Variants in CEP250 observed in about 807,000 individuals in gnomAD.
CEP250 encodes centrosomal protein 250, also known as centrosome-associated protein CEP250.
A neutral mutation model predicts 315.7 loss-of-function variants in CEP250; 242 were observed. That is an observed-to-expected ratio of 0.77 (90% CI 0.69 to 0.85). The LOEUF (loss-of-function observed/expected upper bound fraction) is 0.85. Among genes scored for constraint, CEP250 ranks in the 40% least tolerant of loss-of-function variants. CEP250 has a pLI of 0.00. For synonymous variants in CEP250, 1,088 were observed against 1,175.0 expected (o/e 0.93, Z 1.51); for missense variants, 2,515 against 2,886.4 (o/e 0.87, Z 2.95).
chr20:35,492,873 G>A (rs148863576), intron 22 of CEP250, among the ~76,000 whole-genome samples: 58 of 152,166 alleles, frequency 3.8e-4, no homozygotes, highest in African/African-American at 1.3e-3. Context: ...GATTACAGGT[G>A]CCCGCCACCA....
chr20:35,470,586 C>T (rs1474920546), intron 10 of CEP250, among the ~76,000 whole-genome samples: 1 of 151,982 alleles, frequency 6.6e-6, no homozygotes, highest in Non-Finnish European at 1.5e-5. Context: ...CCCGTCTCTA[C>T]TAAAAAAATA....
rs2064242815 is a variant in CEP250, at chr20:35,508,052, T to C, written c.6768T>C (p.Ala2256=). 6.2e-7 allele frequency: 1 copy of C among 1,614,192 alleles called. No homozygotes were observed. The highest frequency in any genetic ancestry group is 8.5e-7 in the Non-Finnish European group (1 of 1,180,026). Residue 2256 remains alanine (A), a synonymous_variant, in exon 32 of 35, where the codon GCT becomes GCC. Transcript: ENST00000397527. ...TCCCACAGGTCTCAGGAGTGGAGGC[T>C]GAGCCTAGTCCTGATGGAATGGAGA... The part of the protein sequence containing the change: ...VQLGEVSGVE[A]EPSPDGMEKQ...
chr20:35,498,378 A>T (rs1373352959), intron 26 of CEP250, among the ~76,000 whole-genome samples: 1 of 152,208 alleles, frequency 6.6e-6, no homozygotes, highest in Non-Finnish European at 1.5e-5. Flanking sequence ...CCTGGCACTT[A>T]TTAAGTGCGT....
chr20:35,465,877 G>T (rs1351271435), intron 6 of CEP250, 52 bp downstream of exon 6: 1 of 1,553,716 alleles, frequency 6.4e-7, no homozygotes, highest in Non-Finnish European at 8.7e-7. Flanking sequence ...TGGTGGAGAA[G>T]GCTGATGGGA....
intron 22 of CEP250, among the ~76,000 whole-genome samples, chr20:35,492,061 G>C (rs2063713885): frequency 6.6e-6 from 1 of 152,160 alleles, no homozygotes; most frequent in Non-Finnish European, 1.5e-5. Flanking sequence ...AAAGGAAATA[G>C]AATGATACAA....
In CEP250 at chr20:35,517,037, G is replaced by C; in HGVS notation, c.*5411G>C. The C allele has an allele frequency of 1.0e-6, 1 of 985,468 alleles. No homozygotes were observed. The highest frequency in any genetic ancestry group is 1.2e-6 in the Non-Finnish European group (1 of 829,932). The allele number at this position is 985,468 out of a possible 1,614,324, so 61.0% of individuals were successfully genotyped here. On this transcript the variant is annotated 3_prime_UTR_variant, in exon 35 of 35. Coordinates refer to ENST00000397527, the MANE Select transcript of CEP250 (RefSeq NM_007186.6). ...TCAGACACCGGGCACTGAGAAAAGTGGGAAGCCATGGTCACAGACTCTACA... is the reference window on the plus strand; with the variant it reads ...TCAGACACCGGGCACTGAGAAAAGTCGGAAGCCATGGTCACAGACTCTACA...
rs937435131 is a variant in CEP250, at chr20:35,502,329, G to A, written c.4021-61G>A. On this transcript the variant is annotated intron_variant, in intron 29 of 34. Transcript: ENST00000397527. ...CACAAAATAAGAAAGAGAAGGGTCG[G>A]TGTTGGGGTGACAGTAGCAGGGAAG... The A allele has an allele frequency of 4.3e-6, 6 of 1,388,528 alleles. No individual in the cohort carries two copies. In the African/African-American group the frequency reaches 8.6e-5, roughly 20 times the overall value. 86.0% of individuals were successfully genotyped at this position (1,388,528 alleles called of 1,614,324 possible). A position where few individuals can be genotyped will look rare whatever the true frequency, so the allele number is the denominator to read the frequency against.
At position 35,504,915 on chromosome 20, in the gene CEP250, G is replaced by T. The variant is rs763994225; in HGVS notation, c.6546G>T (p.Gln2182His). ...AGGACTTGGCACTCTCCCTAGCGCA[G>T]ACCAAGGCCAGTGTCAGCAGTCTGC... Reference protein sequence around the residue: ...KAQDLALSLAQTKASVSSLQE... With the variant: ...KAQDLALSLAHTKASVSSLQE... Residue 2182 changes from glutamine to histidine, a missense_variant, in exon 30 of 35, where the codon CAG becomes CAT. Coordinates refer to ENST00000397527, the MANE Select transcript of CEP250 (RefSeq NM_007186.6). 12 of 1,614,088 alleles carry T rather than the reference G, an allele frequency of 7.4e-6. No homozygotes were observed. In the African/African-American group the frequency reaches 1.6e-4, roughly 22 times the overall value.
rs553227605 is a variant in CEP250, at chr20:35,479,113, A to G, written c.2095-118A>G. On this transcript the variant is annotated intron_variant, in intron 17 of 34. Transcript: ENST00000397527. Reference sequence around the variant, plus strand: ...AATGCCACGTGCTATTGGGTAAGCAATCCGGGCTCACAGAGCTGGGTCCAG... The same window carrying G: ...AATGCCACGTGCTATTGGGTAAGCAGTCCGGGCTCACAGAGCTGGGTCCAG... 9.0e-5 allele frequency: 87 copies of G among 967,626 alleles called. No individual in the cohort carries two copies. The African/African-American group carries it at 1.2e-3, about 13-fold the overall frequency. The allele number at this position is 967,626 out of a possible 1,614,324, so 59.9% of individuals were successfully genotyped here.
At chr20:35,484,435 T>C (rs1467754009) in intron 20 of CEP250, among the ~76,000 whole-genome samples, 1 of 152,228 alleles carries the variant, frequency 6.6e-6, no homozygotes, top group African/African-American at 2.4e-5. Context: ...ACTTTTTTCC[T>C]ACCCTGTATC....
chr20:35,517,021 G>C lies in CEP250; in HGVS notation c.*5395G>C. The stretch of plus-strand genomic sequence containing the variant: ...CAAGTGGCATGCTGACTCAGACACC[G>C]GGCACTGAGAAAAGTGGGAAGCCAT... On this transcript the variant is annotated 3_prime_UTR_variant, in exon 35 of 35. Coordinates refer to ENST00000397527, the MANE Select transcript of CEP250 (RefSeq NM_007186.6). 1 of 985,502 alleles carries C rather than the reference G, an allele frequency of 1.0e-6. No individual in the cohort carries two copies. Among genetic ancestry groups the C allele is most frequent in the Non-Finnish European group, 1.2e-6 (1 of 830,000 alleles). The allele number at this position is 985,502 out of a possible 1,614,324, so 61.0% of individuals were successfully genotyped here.
chr20:35,457,924 G>C (rs2062668136), intron 1 of CEP250, among the ~76,000 whole-genome samples: 1 of 152,228 alleles, frequency 6.6e-6, no homozygotes, highest in Admixed American at 6.5e-5. Flanking sequence ...AAAGGAGACT[G>C]AGTGGGAGAG....
chr20:35,474,172 A>C lies in CEP250; in HGVS notation c.1571+120A>C. ...TAGAAGTCTGGCATGCAGTGGGTTCAGATTAGCTTGCTGCTTCTTCCTTTG... is the reference window on the plus strand; with the variant it reads ...TAGAAGTCTGGCATGCAGTGGGTTCCGATTAGCTTGCTGCTTCTTCCTTTG... On this transcript the variant is annotated intron_variant, in intron 14 of 34. Transcript: ENST00000397527. 5 of 826,498 alleles carry C rather than the reference A, an allele frequency of 6.0e-6. No individual in the cohort carries two copies. The South Asian group carries it at 8.9e-5, about 15-fold the overall frequency. The allele number at this position is 826,498 out of a possible 1,614,324, so 51.2% of individuals were successfully genotyped here.
intron 9 of CEP250, among the ~76,000 whole-genome samples, chr20:35,468,089 C>T (rs920523274): frequency 6.6e-6 from 1 of 151,912 alleles, no homozygotes; most frequent in African/African-American, 2.4e-5. Flanking sequence ...GGACTGTTTA[C>T]AGGCACATGC....
At chr20:35,482,786 T>A (rs2063388658) in intron 20 of CEP250, among the ~76,000 whole-genome samples, 1 of 151,618 alleles carries the variant, frequency 6.6e-6, no homozygotes, top group African/African-American at 2.4e-5. Context: ...GGTCTCAAAC[T>A]CCTGGGCTCA....
intron 12 of CEP250, 77 bp from the exon 13 acceptor site, chr20:35,473,297 C>T: frequency 7.4e-7 from 1 of 1,351,418 alleles, no homozygotes; most frequent in African/African-American, 1.5e-5. Context: ...CCCCCTTCTC[C>T]AGCCCCACTT....
chr20:35,484,844 A>C (rs1374710811), intron 20 of CEP250, among the ~76,000 whole-genome samples: 2 of 152,182 alleles, frequency 1.3e-5, no homozygotes, highest in African/African-American at 2.4e-5. Flanking sequence ...CCATATATAA[A>C]CAAATGAGCA....
intron 3 of CEP250, among the ~76,000 whole-genome samples, chr20:35,461,839 CAAT>C (rs1399572064): frequency 1.3e-5 from 2 of 152,182 alleles, no homozygotes; most frequent in East Asian, 1.9e-4. Context: ...CAAGTGTTAA[CAAT>C]GATGATGATG....
chr20:35,497,933 A>ACCAGGCCCAGGC lies in CEP250; in HGVS notation c.3532_3543dup (p.Ala1178_Gln1181dup), dbSNP rs561035032. The ACCAGGCCCAGGC allele has an allele frequency of 6.8e-6, 11 of 1,611,742 alleles. No individual in the cohort carries two copies. The highest frequency in any genetic ancestry group is 4.0e-5 in the African/African-American group (3 of 74,890). On this transcript the variant is annotated inframe_insertion, in exon 26 of 35. Coordinates refer to ENST00000397527, the MANE Select transcript of CEP250 (RefSeq NM_007186.6). The stretch of plus-strand genomic sequence containing the variant: ...CTGGCCGCAGAGCAGCAGCCCGGGA[A>ACCAGGCCCAGGC]CCAGGCCCAGGCCCAGGCCCAGCTG...
Sources: gnomAD v4.1 joint callset for allele counts (sites outside exome capture counted in the v4.1 genomes callset) on GRCh38, gnomAD v4.1.1 for gene constraint, MANE v1.5 for transcripts, NCBI Gene and HGNC (gene_info 2026-07-23, HGNC 2026-07-21) for gene names.